The following TUSC3 variants were observed in gnomAD, a reference collection of about 807,000 sequenced individuals.
The protein encoded by TUSC3 is dolichyl-diphosphooligosaccharide--protein glycosyltransferase subunit TUSC3.
A neutral mutation model predicts 44.8 loss-of-function variants in TUSC3; 45 were observed. The observed-to-expected ratio is 1.00, with a 90% confidence interval of 0.79 to 1.29. The LOEUF is 1.29. TUSC3 is among the 50% of genes most tolerant of loss of function. The pLI is 0.00. For missense variants in TUSC3, 519 were observed against 437.9 expected (o/e 1.19, Z -1.65); for synonymous variants, 212 against 152.9 (o/e 1.39, Z -2.85).
intron 1 of TUSC3, among the ~76,000 whole-genome samples, chr8:15,427,848 TC>T (rs1348881121): frequency 6.6e-6 from 1 of 152,190 alleles, no homozygotes; most frequent in Admixed American, 6.5e-5. Flanking sequence ...AAGAAGCTTT[TC>T]CCCTGTTTTC....
intron 1 of TUSC3, among the ~76,000 whole-genome samples, chr8:15,556,833 C>T (rs1802286428): frequency 8.1e-6 from 1 of 123,860 alleles, no homozygotes. Flanking sequence ...TGTCCTTTGC[C>T]CACTTTTTGA....
At chr8:15,464,767 A>G (rs1321773576) in intron 1 of TUSC3, among the ~76,000 whole-genome samples, 1 of 152,218 alleles carries the variant, frequency 6.6e-6, no homozygotes, top group Non-Finnish European at 1.5e-5. Flanking sequence ...AATGCCTGAG[A>G]GACCACACCT....
chr8:15,718,784 C>T (rs1028393501), intron 6 of TUSC3, among the ~76,000 whole-genome samples: 3 of 151,958 alleles, frequency 2.0e-5, no homozygotes, highest in African/African-American at 7.2e-5. Context: ...TGTATTACTA[C>T]AAATACTCAA....
At chr8:15,718,921 C>G (rs550823160) in intron 6 of TUSC3, among the ~76,000 whole-genome samples, 6 of 152,122 alleles carry the variant, frequency 3.9e-5, no homozygotes, top group African/African-American at 1.2e-4. Context: ...GTTCTTCCTT[C>G]AAATATGTAC....
At chr8:15,419,712 T>C (rs1415112669) in intron 1 of TUSC3, among the ~76,000 whole-genome samples, 1 of 152,216 alleles carries the variant, frequency 6.6e-6, no homozygotes, top group Non-Finnish European at 1.5e-5. Context: ...AGTATCTCTA[T>C]GACTTTATAC....
downstream of TUSC3, among the ~76,000 whole-genome samples, chr8:15,769,940 T>C (rs1010503621): frequency 2.0e-5 from 3 of 152,096 alleles, no homozygotes; most frequent in East Asian, 1.9e-4. Context: ...TGTGGAGAAA[T>C]AGGAATGCTT....
chr8:15,478,928 G>A (rs1800621381), intron 1 of TUSC3, among the ~76,000 whole-genome samples: 1 of 151,946 alleles, frequency 6.6e-6, no homozygotes, highest in Non-Finnish European at 1.5e-5. Context: ...TTTCTCCACA[G>A]CCTCGCCAGC....
rs1181932637 is a variant in TUSC3, at chr8:15,743,744, CT to C, written c.937+138del. On this transcript the variant is annotated intron_variant, in intron 8 of 10. Coordinates refer to ENST00000503731, the MANE Select transcript of TUSC3 (RefSeq NM_006765.4). ...TGTTCTGGTTTGAAGAAGATTTTAA[CT>C]TTTTTCTATTGCTGGGATGTGTTCA... 7.8e-6 allele frequency: 8 copies of C among 1,030,490 alleles called. No individual in the cohort carries two copies. The Admixed American group carries it at 1.3e-4, about 17-fold the overall frequency. The allele number at this position is 1,030,490 out of a possible 1,614,324, so 63.8% of individuals were successfully genotyped here. A position where few individuals can be genotyped will look rare whatever the true frequency, so the allele number is the denominator to read the frequency against.
intron 1 of TUSC3, among the ~76,000 whole-genome samples, chr8:15,456,784 G>T (rs543320652): frequency 4.6e-5 from 7 of 151,996 alleles, no homozygotes; most frequent in Non-Finnish European, 7.4e-5. Flanking sequence ...AGAAGGAGAA[G>T]AGGAGGAGGA....
chr8:15,835,772 G>T, the TUSC3 span, among the ~76,000 whole-genome samples: 4 of 152,116 alleles, frequency 2.6e-5, no homozygotes, highest in Non-Finnish European at 4.4e-5. Context: ...GGAGAAGAGT[G>T]TCAATGTGTT....
chr8:15,592,002 A>G (rs566721680), intron 1 of TUSC3, among the ~76,000 whole-genome samples: 3 of 152,190 alleles, frequency 2.0e-5, no homozygotes, highest in Non-Finnish European at 4.4e-5. Context: ...AGGCAGCTAT[A>G]GTAGTCTAGG....
chr8:15,727,426 A>T (rs566913048), intron 6 of TUSC3, among the ~76,000 whole-genome samples: 1 of 152,228 alleles, frequency 6.6e-6, no homozygotes, highest in South Asian at 2.1e-4. Context: ...GCTGCTTGAG[A>T]ATATAGGTAT....
chr8:15,506,664 CGG>C (rs1330077685), intron 2 of TUSC3, among the ~76,000 whole-genome samples: 5 of 152,118 alleles, frequency 3.3e-5, no homozygotes, highest in Non-Finnish European at 7.4e-5. Flanking sequence ...ATAAAATCAT[CGG>C]ATCTTGTGAG....
At chr8:15,470,654 C>T (rs1212152070) in intron 1 of TUSC3, among the ~76,000 whole-genome samples, 1 of 152,070 alleles carries the variant, frequency 6.6e-6, no homozygotes, top group African/African-American at 2.4e-5. Flanking sequence ...CAAATAAATT[C>T]CTTCCATTCA....
intron 1 of TUSC3, among the ~76,000 whole-genome samples, chr8:15,463,152 G>A (rs191255089): frequency 6.6e-5 from 10 of 151,630 alleles, no homozygotes; most frequent in African/African-American, 9.7e-5. Context: ...GTTTTGATCC[G>A]TAAAAACATA....
the TUSC3 span, among the ~76,000 whole-genome samples, chr8:15,829,477 G>C: frequency 6.3e-3 from 955 of 152,176 alleles, 6 homozygotes; most frequent in Middle Eastern, 0.02. Flanking sequence ...TCTCAGAGCA[G>C]TTTCGTTGCA....
chr8:15,711,308 A>G (rs1809839754), intron 6 of TUSC3, among the ~76,000 whole-genome samples: 1 of 151,800 alleles, frequency 6.6e-6, no homozygotes, highest in African/African-American at 2.4e-5. Context: ...TTAGGCATAG[A>G]AGATTCTGCT....
At chr8:15,748,809 C>T (rs764054987) in intron 9 of TUSC3, 1 of 498,920 alleles carries the variant, frequency 2.0e-6, no homozygotes, top group South Asian at 1.5e-5. Flanking sequence ...TCATATAATT[C>T]ACTGTTCATT....
chr8:15,797,941 A>G, the TUSC3 span, among the ~76,000 whole-genome samples: 1 of 152,096 alleles, frequency 6.6e-6, no homozygotes, highest in African/African-American at 2.4e-5. Flanking sequence ...AGGCTGTTGT[A>G]TTGGGCTAAT....
Sources: gnomAD v4.1 joint callset for allele counts (sites outside exome capture counted in the v4.1 genomes callset) on GRCh38, gnomAD v4.1.1 for gene constraint, MANE v1.5 for transcripts, NCBI Gene and HGNC (gene_info 2026-07-23, HGNC 2026-07-21) for gene names.